Variants in RBFOX1 observed in about 807,000 individuals in gnomAD.
RBFOX1 encodes the protein RNA binding protein fox-1 homolog 1.
Under a neutral mutation model 57.7 loss-of-function variants are expected in RBFOX1, and 8 were observed. That is an observed-to-expected ratio of 0.14 (90% CI 0.08 to 0.25). The LOEUF is 0.25. Among genes scored for constraint, RBFOX1 ranks in the 10% least tolerant of loss-of-function variants. The pLI, the probability that RBFOX1 is intolerant of heterozygous loss-of-function variation, is 1.00. For synonymous variants in RBFOX1, 326 were observed against 222.4 expected (o/e 1.47, Z -4.15); for missense variants, 611 against 548.5 (o/e 1.11, Z -1.14).
intron 3 of RBFOX1, among the ~76,000 whole-genome samples, chr16:6,943,771 G>A (rs1446183726): frequency 1.3e-5 from 2 of 151,504 alleles, no homozygotes; most frequent in Admixed American, 1.3e-4. Flanking sequence ...AATCCCAGCA[G>A]CTGAACTTCA....
At chr16:5,918,944 A>C (rs2058762461) in intron 4 of RBFOX1, among the ~76,000 whole-genome samples, 1 of 152,102 alleles carries the variant, frequency 6.6e-6, no homozygotes, top group Non-Finnish European at 1.5e-5. Flanking sequence ...CAAGGAAGGA[A>C]GGTGTTCCAC....
At chr16:7,480,220 C>T (rs1477986720) in intron 4 of RBFOX1, among the ~76,000 whole-genome samples, 1 of 152,142 alleles carries the variant, frequency 6.6e-6, no homozygotes, top group Non-Finnish European at 1.5e-5. Context: ...TCTTTTTCTG[C>T]CTGCAGCACT....
intron 1 of RBFOX1, among the ~76,000 whole-genome samples, chr16:5,361,700 A>G (rs1362254641): frequency 2.6e-5 from 4 of 152,226 alleles, no homozygotes; most frequent in Non-Finnish European, 5.9e-5. Context: ...TCAACTGAGA[A>G]AAACAATTCC....
chr16:7,451,045 G>C (rs1259899525), intron 4 of RBFOX1, among the ~76,000 whole-genome samples: 1 of 152,168 alleles, frequency 6.6e-6, no homozygotes, highest in African/African-American at 2.4e-5. Flanking sequence ...CTCAGAGGCA[G>C]CTGGGAGTCC....
chr16:7,359,080 C>T (rs1182353420), intron 4 of RBFOX1, among the ~76,000 whole-genome samples: 1 of 152,204 alleles, frequency 6.6e-6, no homozygotes, highest in Non-Finnish European at 1.5e-5. Flanking sequence ...TACAGCATAG[C>T]CATCTAAGGA....
chr16:6,970,705 C>G (rs751075593), intron 3 of RBFOX1, among the ~76,000 whole-genome samples: 1 of 152,166 alleles, frequency 6.6e-6, no homozygotes, highest in Non-Finnish European at 1.5e-5. Context: ...TTAATACTAT[C>G]ATGTTGGATA....
At chr16:6,953,819 G>T (rs192164638) in intron 3 of RBFOX1, among the ~76,000 whole-genome samples, 1 of 152,132 alleles carries the variant, frequency 6.6e-6, no homozygotes, top group Non-Finnish European at 1.5e-5. Flanking sequence ...TGATAGAACC[G>T]AGAAAAATAA....
intron 3 of RBFOX1, among the ~76,000 whole-genome samples, chr16:6,940,848 A>T (rs1407201678): frequency 8.6e-5 from 5 of 58,440 alleles, no homozygotes; most frequent in African/African-American, 4.9e-4. Context: ...ATGTCCGGCT[A>T]GTCTGTGTGT....
chr16:6,486,966 G>T (rs370708459), intron 2 of RBFOX1, among the ~76,000 whole-genome samples: 1 of 152,124 alleles, frequency 6.6e-6, no homozygotes, highest in Non-Finnish European at 1.5e-5. Flanking sequence ...ACGGCACCAA[G>T]AGAAAGATAA....
chr16:6,447,385 A>G (rs1473009931), intron 2 of RBFOX1, among the ~76,000 whole-genome samples: 1 of 152,220 alleles, frequency 6.6e-6, no homozygotes, highest in African/African-American at 2.4e-5. Context: ...TTTGAAGCTA[A>G]TTGGACTATA....
At chr16:7,165,416 A>AATC (rs2079251285) in intron 4 of RBFOX1, among the ~76,000 whole-genome samples, 2 of 147,920 alleles carry the variant, frequency 1.4e-5, no homozygotes, top group Admixed American at 1.4e-4. Context: ...TAATGATAAT[A>AATC]ATCATTATTA....
At chr16:6,521,025 A>G (rs1443240897) in intron 2 of RBFOX1, among the ~76,000 whole-genome samples, 1 of 152,190 alleles carries the variant, frequency 6.6e-6, no homozygotes, top group Non-Finnish European at 1.5e-5. Context: ...AATTTATATC[A>G]AAACCTTTTT....
At chr16:5,397,409 C>G (rs988958856) in intron 1 of RBFOX1, among the ~76,000 whole-genome samples, 1 of 152,194 alleles carries the variant, frequency 6.6e-6, no homozygotes, top group East Asian at 1.9e-4. Flanking sequence ...CAGGTGCTCT[C>G]TGCACTGAGC....
intron 2 of RBFOX1, among the ~76,000 whole-genome samples, chr16:6,580,025 C>T (rs113410604): frequency 0.025 from 3,746 of 152,074 alleles, 181 homozygotes; most frequent in African/African-American, 0.085. Flanking sequence ...GCGGTGTGAT[C>T]TCAGATCACT....
chr16:6,614,548 C>T (rs528400685), intron 2 of RBFOX1, among the ~76,000 whole-genome samples: 2 of 152,274 alleles, frequency 1.3e-5, no homozygotes, highest in Admixed American at 6.5e-5. Flanking sequence ...GACTGGACGA[C>T]TTAGAACATC....
intron 3 of RBFOX1, among the ~76,000 whole-genome samples, chr16:6,857,828 T>C (rs2058187212): frequency 6.6e-6 from 1 of 152,192 alleles, no homozygotes; most frequent in African/African-American, 2.4e-5. Context: ...GGTAATTAAT[T>C]ATAGTGTGTT....
chr16:6,878,840 A>G (rs1191011838), intron 3 of RBFOX1, among the ~76,000 whole-genome samples: 2 of 150,888 alleles, frequency 1.3e-5, no homozygotes, highest in Admixed American at 1.3e-4. Context: ...AACCTATTTG[A>G]AGTTTTAAGG....
intron 3 of RBFOX1, among the ~76,000 whole-genome samples, chr16:5,654,509 C>T (rs891926822): frequency 2.6e-5 from 4 of 152,170 alleles, no homozygotes; most frequent in African/African-American, 9.7e-5. Context: ...GTGTTTTCTT[C>T]TCTCATTCAG....
chr16:6,271,269 C>G (rs1158836338), intron 1 of RBFOX1, among the ~76,000 whole-genome samples: 1 of 152,036 alleles, frequency 6.6e-6, no homozygotes, highest in Non-Finnish European at 1.5e-5. Flanking sequence ...ACTAAAAATA[C>G]AAAAATTAGC....
Sources: allele counts gnomAD v4.1 joint callset (sites outside exome capture counted in the v4.1 genomes callset), GRCh38; gene constraint gnomAD v4.1.1; transcripts MANE v1.5; gene names NCBI Gene and HGNC (gene_info 2026-07-23, HGNC 2026-07-21).